The following UBXN8 variants were observed in gnomAD, a reference collection of about 807,000 sequenced individuals.
The protein encoded by UBXN8 is UBX domain protein 8.
Under a neutral mutation model 32.1 loss-of-function variants are expected in UBXN8, and 27 were observed. The observed-to-expected ratio is 0.84, with a 90% CI of 0.62 to 1.16. UBXN8 has a LOEUF of 1.16. UBXN8 is among the 50% of genes most tolerant of loss of function. The probability of loss-of-function intolerance (pLI) is 0.00; values close to 1 mark genes in which losing one functional copy is unlikely to be tolerated. For synonymous variants in UBXN8, 109 were observed against 111.8 expected, an observed-to-expected ratio of 0.98 and a Z score of 0.16; for missense variants, 306 against 311.4, an observed-to-expected ratio of 0.98 and a Z score of 0.13.
At chr8:30,754,901 T>G in intron 4 of UBXN8, 114 bp downstream of exon 4, 1 of 1,344,324 alleles carries the variant, frequency 7.4e-7, no homozygotes, top group Non-Finnish European at 9.8e-7. Context: ...TTATTGATAA[T>G]GATTATCAGT....
chr8:30,746,526 CTTTT>C (rs1186027523), intron 1 of UBXN8, among the ~76,000 whole-genome samples: 2 of 110,446 alleles, frequency 1.8e-5, no homozygotes, highest in African/African-American at 4.1e-5. Flanking sequence ...TTTTTTTTTT[CTTTT>C]TTTTTTTTTT....
intron 1 of UBXN8, chr8:30,744,602 G>GT (rs1805313389): frequency 2.1e-6 from 1 of 467,588 alleles, no homozygotes; most frequent in African/African-American, 2.0e-5. Context: ...AGGCTGAGAA[G>GT]TTTTTTGTTT....
intron 1 of UBXN8, among the ~76,000 whole-genome samples, chr8:30,749,266 G>A (rs1385657214): frequency 6.6e-6 from 1 of 151,828 alleles, no homozygotes; most frequent in African/African-American, 2.4e-5. Flanking sequence ...GGTGGTGCAT[G>A]CCTGTAGTCC....
chr8:30,754,762 A>T lies in UBXN8; in HGVS notation c.380A>T (p.Lys127Ile). 1 of 1,559,104 alleles carries T rather than the reference A, an allele frequency of 6.4e-7. No homozygotes were observed. Among genetic ancestry groups the T allele is most frequent in the Non-Finnish European group, 8.6e-7 (1 of 1,163,284 alleles). Residue 127 changes from lysine to isoleucine, a missense_variant, in exon 4 of 8, where the codon AAA (lysine) becomes ATA (isoleucine). Physicochemically the swap from Lys to Ile is moderately radical, Grantham distance 102 (BLOSUM62 -3). Transcript: ENST00000265616. ...TATCAAATGACGGGTGAAGCCTGGA[A>T]ATTAAGCAGTGGTCACAAACTTGGG... ...RFYQMTGEAW[K>I]LSSGHKLGGD...
At chr8:30,746,638 T>C (rs760186112) in intron 1 of UBXN8, among the ~76,000 whole-genome samples, 2 of 137,994 alleles carry the variant, frequency 1.4e-5, no homozygotes, top group African/African-American at 5.7e-5. Context: ...TTCTCCTGCC[T>C]TAGCCTCCTG....
At position 30,766,183 on chromosome 8, in the gene UBXN8, G is replaced by A. The variant is rs1225657612; in HGVS notation, c.646-44G>A. The A allele has an allele frequency of 1.9e-6, 3 of 1,574,066 alleles. No individual in the cohort carries two copies. In the Admixed American group the frequency reaches 5.3e-5, roughly 28 times the overall value. ...ATGGTGGTCTAAAGGGACATGGTGTGTAAAGTATTTGATAATGACTAAGCC... is the reference window on the plus strand; with the variant it reads ...ATGGTGGTCTAAAGGGACATGGTGTATAAAGTATTTGATAATGACTAAGCC... On this transcript the variant is annotated intron_variant, in intron 7 of 7. Transcript: ENST00000265616.
intron 1 of UBXN8, chr8:30,733,916 A>T (rs1272099127): frequency 6.6e-6 from 1 of 152,262 alleles, no homozygotes; most frequent in Non-Finnish European, 1.5e-5. Context: ...TGATCCACAG[A>T]TGAAGCACAG....
At chr8:30,750,336 G>A (rs962064214) in intron 1 of UBXN8, among the ~76,000 whole-genome samples, 2 of 152,124 alleles carry the variant, frequency 1.3e-5, no homozygotes, top group Non-Finnish European at 2.9e-5. Context: ...GCCGGGTGTG[G>A]TGGTACGTGC....
chr8:30,741,877 G>A (rs551238998), upstream of UBXN8, among the ~76,000 whole-genome samples: 6 of 152,328 alleles, frequency 3.9e-5, no homozygotes, highest in African/African-American at 1.4e-4. Flanking sequence ...TTTGGGAAAT[G>A]CTGGCTTCCC....
intron 2 of UBXN8, 149 bp downstream of exon 2, chr8:30,751,667 G>C (rs1805527249): frequency 1.6e-6 from 1 of 617,948 alleles, no homozygotes; most frequent in East Asian, 3.3e-5. Context: ...ATGATTTTTT[G>C]TGTTGGTTTT....
chr8:30,759,791 C>A (rs1394952925), intron 5 of UBXN8, among the ~76,000 whole-genome samples: 1 of 150,500 alleles, frequency 6.6e-6, no homozygotes, highest in African/African-American at 2.4e-5. Flanking sequence ...CCTATCTCTA[C>A]TAAAAAATAC....
intron 2 of UBXN8, 103 bp downstream of exon 2, chr8:30,751,621 G>A: frequency 1.0e-6 from 1 of 961,052 alleles, no homozygotes; most frequent in Non-Finnish European, 1.5e-6. Context: ...TTTGTGATGT[G>A]TAGTTTCAGG....
upstream of UBXN8, among the ~76,000 whole-genome samples, chr8:30,741,929 CT>C (rs947583536): frequency 6.6e-6 from 1 of 152,028 alleles, no homozygotes; most frequent in Admixed American, 6.6e-5. Context: ...TAGGAACTGC[CT>C]TTTGTAGTCC....
intron 1 of UBXN8, among the ~76,000 whole-genome samples, chr8:30,750,727 CAT>C (rs1347841840): frequency 4.2e-4 from 62 of 147,658 alleles, no homozygotes; most frequent in South Asian, 1.1e-3. Flanking sequence ...GAGCCGAGAT[CAT>C]GCCACTGCAC....
intron 5 of UBXN8, among the ~76,000 whole-genome samples, chr8:30,758,889 T>C (rs1482098661): frequency 7.7e-6 from 1 of 130,490 alleles, no homozygotes. Flanking sequence ...TTGTTTGTTT[T>C]TTTTGTTTTT....
chr8:30,751,300 G>A, intron 1 of UBXN8, 96 bp from the exon 2 acceptor site: 1 of 1,040,604 alleles, frequency 9.6e-7, no homozygotes, highest in Non-Finnish European at 1.4e-6. Context: ...GATCACGTGA[G>A]CTCAGGAGTT....
At chr8:30,766,052 C>A (rs1805995492) in intron 7 of UBXN8, among the ~76,000 whole-genome samples, 175 bp from the exon 8 acceptor site, 1 of 151,154 alleles carries the variant, frequency 6.6e-6, no homozygotes, top group Non-Finnish European at 1.5e-5. Flanking sequence ...GAACTCATGG[C>A]AAGCTATTTT....
intron 1 of UBXN8, chr8:30,744,484 G>A (rs1805308486): frequency 1.6e-6 from 1 of 609,052 alleles, no homozygotes; most frequent in South Asian, 1.9e-5. Flanking sequence ...ACGTGTAAGA[G>A]GGTAGAGGCA....
intron 1 of UBXN8, among the ~76,000 whole-genome samples, chr8:30,735,944 G>A (rs1035804263): frequency 1.3e-5 from 2 of 152,254 alleles, no homozygotes; most frequent in African/African-American, 4.8e-5. Flanking sequence ...CCGAAAGGTG[G>A]TGATGGTACT....
Sources: allele counts gnomAD v4.1 joint callset (sites outside exome capture counted in the v4.1 genomes callset), GRCh38; gene constraint gnomAD v4.1.1; transcripts MANE v1.5; gene names NCBI Gene and HGNC (gene_info 2026-07-23, HGNC 2026-07-21).